HEATR5B: variants seen among roughly 807,000 people sequenced by gnomAD.
HEATR5B encodes the protein HEAT repeat containing 5B, also known as HEAT repeat-containing protein 5B.
A neutral mutation model predicts 224.1 loss-of-function variants in HEATR5B; 156 were observed. That is an observed-to-expected ratio of 0.70 (90% CI 0.61 to 0.80). The LOEUF is 0.80. HEATR5B is among the 30% of genes least tolerant of loss of function. The pLI is 0.00. For synonymous variants in HEATR5B, 1,027 were observed against 893.0 expected (o/e 1.15, Z -2.68); for missense variants, 2,323 against 2,535.5 (o/e 0.92, Z 1.80).
chr2:37,040,347 C>G lies in HEATR5B; in HGVS notation c.3028G>C (p.Val1010Leu), dbSNP rs762264426. 1.2e-6 allele frequency: 2 copies of G among 1,613,612 alleles called. No individual in the cohort carries two copies. Among genetic ancestry groups the G allele is most frequent in the Non-Finnish European group, 1.7e-6 (2 of 1,179,780 alleles). ...TACTTACCTTGTAGTTCAGGGCCAA[C>G]AGTAGTTATTATAGCACCCAAGCAT... ...GRCLGAIITT[V>L]GPELQGNGAT... Residue 1010 changes from valine (V) to leucine (L), a missense_variant, in exon 20 of 36, where the codon GTT becomes CTT. Val to Leu is a conservative substitution (Grantham distance 32, BLOSUM62 1). Coordinates refer to ENST00000233099, the MANE Select transcript of HEATR5B (RefSeq NM_019024.3).
rs779276840 is a variant in HEATR5B, at chr2:37,056,533, G to A, written c.2306C>T (p.Ala769Val). 2 of 1,613,384 alleles carry A rather than the reference G, an allele frequency of 1.2e-6. No individual in the cohort carries two copies. Among genetic ancestry groups the A allele is most frequent in the South Asian group, 2.2e-5 (2 of 91,034 alleles). Residue 769 changes from alanine to valine, a missense_variant, in exon 16 of 36, where the codon GCA becomes GTA. Physicochemically the swap from Ala to Val is moderately conservative, Grantham distance 64. This residue lies in a region of HEATR5B where 170 missense variants were observed against 216.7 expected (regional missense o/e 0.78). Transcript: ENST00000233099. ...TCCGAGAGGGAGGGGACCAGGTACT[G>A]CTTCTCCAGCAGGTATGCGTAAATA... ...SIYLRIPAGE[A>V]VPGPLPLGVS...
chr2:37,044,898 G>C (rs1362161337), intron 18 of HEATR5B, among the ~76,000 whole-genome samples: 2 of 152,134 alleles, frequency 1.3e-5, no homozygotes. Context: ...TCACTGGAAT[G>C]ATCTTTTCTC....
Position 36,988,859 on chromosome 2 carries a change from C to G in HEATR5B, c.5698G>C (p.Val1900Leu), listed in dbSNP as rs1666127414. The G allele has an allele frequency of 1.2e-6, 2 of 1,610,684 alleles. No individual in the cohort carries two copies. The highest frequency in any genetic ancestry group is 2.7e-5 in the African/African-American group (2 of 74,826). ...KNALNSCDPW[V>L]QAKCYQLLLS... ...AGAAGCTGGTAACATTTGGCTTGAA[C>G]CTATATAAGAAGAACATATTATCAA... The change falls in exon 35 of 36, where the codon GTT becomes CTT. Residue 1900 changes from valine to leucine, a missense_variant and splice_region_variant. Val to Leu is a conservative substitution (Grantham distance 32). Coordinates refer to ENST00000233099, the MANE Select transcript of HEATR5B (RefSeq NM_019024.3).
At position 37,027,861 on chromosome 2, in the gene HEATR5B, A is replaced by G. The variant is rs1053308540; in HGVS notation, c.3853+62T>C. ...TATCTGTCGCAGTAAAATATCTCAT[A>G]GCAGCAAAATGTCTCAAGGTGTAAA... is the stretch of plus-strand genomic sequence containing the variant. On this transcript the variant is annotated intron_variant, in intron 24 of 35. Coordinates refer to ENST00000233099, the MANE Select transcript of HEATR5B (RefSeq NM_019024.3). The G allele has an allele frequency of 3.9e-6, 6 of 1,535,412 alleles. No homozygotes were observed. The African/African-American group carries it at 6.9e-5, about 18-fold the overall frequency.
chr2:36,984,216 ATAT>A lies in HEATR5B; in HGVS notation c.5912-2425_5912-2423del, dbSNP rs1236169162. Among the ~76,000 whole-genome samples, 8 of 72,674 alleles carry A rather than the reference ATAT, an allele frequency of 1.1e-4. 1 individual carries two copies. In the East Asian group the frequency reaches 1.3e-3, roughly 12 times the overall value. The allele number at this position is 72,674 out of a possible 152,430, so 47.7% of individuals were successfully genotyped here. A position where few individuals can be genotyped will look rare whatever the true frequency, so the allele number is the denominator to read the frequency against. On this transcript the variant is annotated intron_variant, in intron 35 of 35. Transcript: ENST00000233099. The stretch of plus-strand genomic sequence containing the variant: ...ACTCTGTCTCAAAAAAAAAAAAAAA[ATAT>A]ATATATATATATATATATAAAACTG...
chr2:36,990,878 CGTT>C, intron 33 of HEATR5B, 79 bp from the exon 34 acceptor site: 5 of 1,219,284 alleles, frequency 4.1e-6, no homozygotes, highest in Non-Finnish European at 5.6e-6. Context: ...TAGAGAGAGA[CGTT>C]GTCTTGCCAT....
intron 2 of HEATR5B, among the ~76,000 whole-genome samples, chr2:37,081,411 C>T (rs1672561925): frequency 6.6e-6 from 1 of 152,010 alleles, no homozygotes; most frequent in Non-Finnish European, 1.5e-5. Flanking sequence ...ACAACAGGAA[C>T]AATAACAACA....
chr2:36,988,642 T>C lies in HEATR5B; in HGVS notation c.5911+4A>G. The C allele has an allele frequency of 6.2e-7, 1 of 1,601,750 alleles. No individual in the cohort carries two copies. Among genetic ancestry groups the C allele is most frequent in the Non-Finnish European group, 8.6e-7 (1 of 1,169,092 alleles). On this transcript the variant is annotated splice_donor_region_variant and intron_variant, in intron 35 of 35. Transcript: ENST00000233099. ...CTAGTAGCTTTTTATAAGAATATAC[T>C]TACTGTTTTGTTCTTCACCAAGAGC...
At chr2:37,079,888 GACAA>G (rs1201883988) in intron 2 of HEATR5B, among the ~76,000 whole-genome samples, 1 of 152,286 alleles carries the variant, frequency 6.6e-6, no homozygotes, top group South Asian at 2.1e-4. Flanking sequence ...GAACAAAATA[GACAA>G]ACAAGTCCCT....
chr2:37,019,669 C>G (rs1189804548), intron 26 of HEATR5B, 140 bp downstream of exon 26: 2 of 596,518 alleles, frequency 3.4e-6, no homozygotes, highest in Admixed American at 6.1e-5. Flanking sequence ...GTTGGCCAGG[C>G]TGATCTCAAA....
At chr2:37,074,650 A>G (rs1359954766) in intron 5 of HEATR5B, among the ~76,000 whole-genome samples, 1 of 152,242 alleles carries the variant, frequency 6.6e-6, no homozygotes, top group Admixed American at 6.5e-5. Context: ...TGTAAATCAC[A>G]TATCTGATAA....
rs750340443 is a variant in HEATR5B at position 37,005,692 on chromosome 2, C to T, written c.4845G>A (p.Leu1615=). Residue 1615 remains leucine (L), a synonymous_variant, in exon 30 of 36, where the codon CTG becomes CTA. Transcript: ENST00000233099. The part of the protein sequence containing the change: ...EEPIEHVTAC[L]QALHTLLDSP... Reference sequence around the variant, plus strand: ...AGTCTAGCAAGGTATGTAAGGCCTGCAGGCATGCTGTAACATGTTCAATGG... The same window carrying T: ...AGTCTAGCAAGGTATGTAAGGCCTGTAGGCATGCTGTAACATGTTCAATGG... 1.7e-5 allele frequency: 27 copies of T among 1,612,060 alleles called. No individual in the cohort carries two copies. Among genetic ancestry groups the T allele is most frequent in the Non-Finnish European group, 1.7e-5 (20 of 1,178,452 alleles).
At position 36,990,665 on chromosome 2, in the gene HEATR5B, T is replaced by C. The variant is rs1246312712; in HGVS notation, c.5680A>G (p.Asn1894Asp). 3 of 1,593,402 alleles carry C rather than the reference T, an allele frequency of 1.9e-6. No homozygotes were observed. The highest frequency in any genetic ancestry group is 2.6e-6 in the Non-Finnish European group (3 of 1,169,918). ...GCMNRFKNAL[N>D]SCDPWVQAKC... Reference sequence around the variant, plus strand: ...TAACTTACCCATGGGTCGCATGAATTTAATGCATTTTTAAATCTGTTCATG... The same window carrying C: ...TAACTTACCCATGGGTCGCATGAATCTAATGCATTTTTAAATCTGTTCATG... The change falls in exon 34 of 36, where the codon AAT (asparagine) becomes GAT (aspartate). Residue 1894 changes from asparagine to aspartate, a missense_variant. This residue lies in a region of HEATR5B where 844 missense variants were observed against 812.9 expected (regional missense o/e 1.04). Transcript: ENST00000233099.
chr2:37,061,466 CAAT>C (rs760126660), intron 11 of HEATR5B, among the ~76,000 whole-genome samples: 14 of 152,166 alleles, frequency 9.2e-5, no homozygotes, highest in Non-Finnish European at 1.5e-4. Flanking sequence ...TACCCCATCA[CAAT>C]AATAGGTATT....
At position 36,990,661 on chromosome 2, in the gene HEATR5B, G is replaced by A; in HGVS notation, c.5684C>T (p.Ser1895Leu). ...CGTGTAACTTACCCATGGGTCGCAT[G>A]AATTTAATGCATTTTTAAATCTGTT... Reference protein sequence around the residue: ...CMNRFKNALNSCDPWVQAKCY... With the variant: ...CMNRFKNALNLCDPWVQAKCY... Residue 1895 changes from serine (S) to leucine (L), a missense_variant, in exon 34 of 36, where the codon TCA becomes TTA. Ser to Leu is a moderately radical substitution (Grantham distance 145). Coordinates refer to ENST00000233099, the MANE Select transcript of HEATR5B (RefSeq NM_019024.3). 1 of 1,589,506 alleles carries A rather than the reference G, an allele frequency of 6.3e-7. No homozygotes were observed. The highest frequency in any genetic ancestry group is 8.6e-7 in the Non-Finnish European group (1 of 1,167,678).
chr2:37,025,663 T>C (rs1668724372), intron 24 of HEATR5B, among the ~76,000 whole-genome samples: 1 of 144,392 alleles, frequency 6.9e-6, no homozygotes, highest in South Asian at 2.2e-4. Context: ...AAAACATCAA[T>C]GTATAAAGAA....
intron 18 of HEATR5B, among the ~76,000 whole-genome samples, 181 bp downstream of exon 18, chr2:37,049,472 C>T (rs922688704): frequency 2.0e-5 from 3 of 152,130 alleles, no homozygotes; most frequent in African/African-American, 7.2e-5. Context: ...TAACATATTA[C>T]AACTTTCCCA....
At position 37,049,745 on chromosome 2, in the gene HEATR5B, T is replaced by TA; in HGVS notation, c.2603dup (p.Leu868PhefsTer24). ...CAAGAGCTTCCCCCGCTGCACAACG[T>TA]AAGATGGGGTTTGGGTTGTCCAGAG... On this transcript the variant is annotated frameshift_variant, in exon 18 of 36. Coordinates refer to ENST00000233099, the MANE Select transcript of HEATR5B (RefSeq NM_019024.3). LOFTEE classifies it high-confidence loss of function. The TA allele has an allele frequency of 6.2e-7, 1 of 1,612,564 alleles. No individual in the cohort carries two copies. The highest frequency in any genetic ancestry group is 8.5e-7 in the Non-Finnish European group (1 of 1,179,862).
Position 37,028,882 on chromosome 2 carries a change from C to G in HEATR5B, c.3400G>C (p.Asp1134His), listed in dbSNP as rs749842340. Residue 1134 changes from aspartate (D) to histidine (H), a missense_variant, in exon 23 of 36, where the codon GAT becomes CAT. Transcript: ENST00000233099. ...ACACCTTGGTGCCGGCAATGGATAT[C>G]AGTTCGAGAACTAACCCCAGGGGCA... is the stretch of plus-strand genomic sequence containing the variant. ...PFAPGVSSRT[D>H]IHCRHQGVNI... 8 of 1,613,846 alleles carry G rather than the reference C, an allele frequency of 5.0e-6. No homozygotes were observed. Among genetic ancestry groups the G allele is most frequent in the African/African-American group, 1.3e-5 (1 of 74,922 alleles).
Sources: allele counts gnomAD v4.1 joint callset (sites outside exome capture counted in the v4.1 genomes callset), GRCh38; gene constraint gnomAD v4.1.1; regional missense constraint gnomAD v4.1.1; transcripts MANE v1.5; gene names NCBI Gene and HGNC (gene_info 2026-07-23, HGNC 2026-07-21).